CAMK1D: variants seen among roughly 807,000 people sequenced by gnomAD.
CAMK1D encodes the protein calcium/calmodulin dependent protein kinase ID.
CAMK1D carries 9 observed loss-of-function variants against 47.7 expected under a neutral mutation model. The ratio of observed to expected loss-of-function variants is 0.19; its 90% CI spans 0.11 to 0.33. The LOEUF (loss-of-function observed/expected upper bound fraction) is 0.33. Among genes scored for constraint, CAMK1D ranks in the 10% least tolerant of loss-of-function variants. The pLI is 1.00. For synonymous variants in CAMK1D, 184 were observed against 184.9 expected, an observed-to-expected ratio of 0.99 and a Z score of 0.04; for missense variants, 291 against 488.7, an observed-to-expected ratio of 0.60 and a Z score of 3.81.
intron 1 of CAMK1D, among the ~76,000 whole-genome samples, chr10:12,472,251 T>G (rs2132077507): frequency 1.3e-5 from 2 of 152,212 alleles, no homozygotes; most frequent in East Asian, 3.9e-4. Context: ...TGTTTTCATG[T>G]CTAAACTTAT....
rs543720501 is a variant in CAMK1D at position 12,744,796 on chromosome 10, G to A, written c.300-16152G>A. Among the ~76,000 whole-genome samples, 5 of 151,764 alleles carry A rather than the reference G, an allele frequency of 3.3e-5. No homozygotes were observed. In the East Asian group the frequency reaches 9.7e-4, roughly 29 times the overall value. ...CATGCCTGTAATCCCAGCTACTCACGAGGATAAGGGAGAAGGATCGCTTGA... is the reference window on the plus strand; with the variant it reads ...CATGCCTGTAATCCCAGCTACTCACAAGGATAAGGGAGAAGGATCGCTTGA... On this transcript the variant is annotated intron_variant, in intron 3 of 10. Coordinates refer to ENST00000619168, the MANE Select transcript of CAMK1D (RefSeq NM_153498.4).
intron 1 of CAMK1D, among the ~76,000 whole-genome samples, chr10:12,502,716 C>T (rs965166493): frequency 1.3e-5 from 2 of 152,298 alleles, no homozygotes; most frequent in East Asian, 1.9e-4. Context: ...GGTCAGCCTG[C>T]CCAGGGCTGG....
intron 6 of CAMK1D, among the ~76,000 whole-genome samples, chr10:12,793,497 G>T (rs553235449): frequency 6.6e-6 from 1 of 152,342 alleles, no homozygotes; most frequent in East Asian, 1.9e-4. Flanking sequence ...AGATCAGGCT[G>T]CTACAACAAA....
At chr10:12,528,031 G>A (rs1835682861) in intron 1 of CAMK1D, among the ~76,000 whole-genome samples, 5 of 152,106 alleles carry the variant, frequency 3.3e-5, no homozygotes, top group Admixed American at 3.3e-4. Flanking sequence ...TTCTTACTAA[G>A]GGCCAGACAC....
chr10:12,446,290 G>C (rs1832922581), intron 1 of CAMK1D, among the ~76,000 whole-genome samples: 1 of 152,202 alleles, frequency 6.6e-6, no homozygotes, highest in African/African-American at 2.4e-5. Context: ...GTTATTTCTT[G>C]ATGATATGCT....
chr10:12,387,309 T>C (rs1838526529), intron 1 of CAMK1D, among the ~76,000 whole-genome samples: 1 of 142,986 alleles, frequency 7.0e-6, no homozygotes, highest in Non-Finnish European at 1.5e-5. Flanking sequence ...ATGTATAATA[T>C]ATAATGGCTA....
chr10:12,794,396 C>G (rs1838103720), intron 6 of CAMK1D, among the ~76,000 whole-genome samples: 2 of 152,042 alleles, frequency 1.3e-5, no homozygotes, highest in South Asian at 4.2e-4. Context: ...AAGCTTGAGA[C>G]CCTTGGAAGA....
rs569681795 is a variant in CAMK1D at position 12,405,436 on chromosome 10, A to T, written c.92+55526A>T. On this transcript the variant is annotated intron_variant, in intron 1 of 10. Transcript: ENST00000619168. ...TACAGCTGTAATATGCACCATGTTCAGTCCAGAGACAGGCAGTGAACTAAC... is the reference window on the plus strand; with the variant it reads ...TACAGCTGTAATATGCACCATGTTCTGTCCAGAGACAGGCAGTGAACTAAC... Among the ~76,000 whole-genome samples, 16 of 152,350 alleles carry T rather than the reference A, an allele frequency of 1.1e-4. No individual in the cohort carries two copies. In the South Asian group the frequency reaches 3.3e-3, roughly 32 times the overall value.
chr10:12,760,973 C>A lies in CAMK1D; in HGVS notation c.325C>A (p.Arg109=), dbSNP rs771382817. 1.2e-6 allele frequency: 2 copies of A among 1,613,546 alleles called. No homozygotes were observed. The highest frequency in any genetic ancestry group is 1.7e-6 in the Non-Finnish European group (2 of 1,179,668). ...QLVSGGELFD[R]IVEKGFYTEK... ...GGTGTCCGGTGGAGAGCTGTTTGAC[C>A]GGATAGTGGAGAAGGGGTTTTATAC... The change falls in exon 4 of 11, where the codon CGG becomes AGG. Residue 109 remains arginine (R), a synonymous_variant. Coordinates refer to ENST00000619168, the MANE Select transcript of CAMK1D (RefSeq NM_153498.4).
intron 2 of CAMK1D, among the ~76,000 whole-genome samples, chr10:12,643,914 G>T (rs116335326): frequency 0.019 from 2,886 of 151,478 alleles, 92 homozygotes; most frequent in African/African-American, 0.066. Flanking sequence ...AATGCGTGAT[G>T]ATCTGTTACT....
intron 1 of CAMK1D, among the ~76,000 whole-genome samples, chr10:12,470,682 A>G (rs915859025): frequency 2.0e-5 from 3 of 152,082 alleles, no homozygotes; most frequent in South Asian, 4.2e-4. Flanking sequence ...ACACCCGGCT[A>G]ATTTTTGTGT....
chr10:12,770,245 C>G (rs1219089701), intron 5 of CAMK1D, among the ~76,000 whole-genome samples: 1 of 152,216 alleles, frequency 6.6e-6, no homozygotes, highest in Non-Finnish European at 1.5e-5. Context: ...TTGACCAAGT[C>G]ACTCTCATCA....
intron 1 of CAMK1D, among the ~76,000 whole-genome samples, chr10:12,478,115 C>A (rs1833956911): frequency 6.6e-6 from 1 of 150,692 alleles, no homozygotes; most frequent in South Asian, 2.1e-4. Context: ...ATGCCATTCT[C>A]CTGCCTCAGC....
intron 3 of CAMK1D, among the ~76,000 whole-genome samples, chr10:12,692,974 A>G (rs567429184): frequency 9.9e-5 from 15 of 152,134 alleles, no homozygotes; most frequent in Non-Finnish European, 1.8e-4. Flanking sequence ...ACTAGGCTAG[A>G]TGCTGCTGTG....
rs77430990 is a variant in CAMK1D at position 12,730,077 on chromosome 10, T to A, written c.300-30871T>A. ...AACCACTCTGGCTGCTGTGCTATGT[T>A]GAGAATGGACAGTAGGGGGCAGTGG... On this transcript the variant is annotated intron_variant, in intron 3 of 10. Coordinates refer to ENST00000619168, the MANE Select transcript of CAMK1D (RefSeq NM_153498.4). 5.4e-3 allele frequency among the ~76,000 whole-genome samples: 823 copies of A among 152,186 alleles called. 9 individuals are homozygous for A. Among genetic ancestry groups the A allele is most frequent in the African/African-American group, 0.018 (750 of 41,520 alleles).
chr10:12,587,068 C>G (rs1008483909), intron 2 of CAMK1D, among the ~76,000 whole-genome samples: 1 of 152,134 alleles, frequency 6.6e-6, no homozygotes, highest in African/African-American at 2.4e-5. Flanking sequence ...GCGGTTTTGA[C>G]TTAATTCACT....
intron 2 of CAMK1D, among the ~76,000 whole-genome samples, chr10:12,646,165 T>A (rs1402466328): frequency 6.6e-6 from 1 of 152,180 alleles, no homozygotes; most frequent in Non-Finnish European, 1.5e-5. Context: ...AATATTCTTG[T>A]AATTGATTTT....
In CAMK1D at chr10:12,623,889, G is replaced by C. The variant is rs185848379; in HGVS notation, c.225-42847G>C. ...AGGTCAGCAGTTCAAGACCAGCCTG[G>C]TCAACATGGTGAAACCCCGTCTCTA... On this transcript the variant is annotated intron_variant, in intron 2 of 10. Coordinates refer to ENST00000619168, the MANE Select transcript of CAMK1D (RefSeq NM_153498.4). Among the ~76,000 whole-genome samples, 174 of 152,156 alleles carry C rather than the reference G, an allele frequency of 1.1e-3. 6 individuals are homozygous for C. The East Asian group carries it at 0.031, about 27-fold the overall frequency.
intron 1 of CAMK1D, among the ~76,000 whole-genome samples, chr10:12,470,996 C>A (rs1021563454): frequency 4.6e-5 from 7 of 152,212 alleles, no homozygotes; most frequent in Non-Finnish European, 7.3e-5. Context: ...TTTGTTAGAG[C>A]CGCTTTATGA....
Sources: gnomAD v4.1 joint callset for allele counts (sites outside exome capture counted in the v4.1 genomes callset) on GRCh38, gnomAD v4.1.1 for gene constraint, MANE v1.5 for transcripts, NCBI Gene and HGNC (gene_info 2026-07-23, HGNC 2026-07-21) for gene names.